Variants in NXPE2 observed in about 807,000 individuals in gnomAD.
The protein encoded by NXPE2 is NXPE family member 2.
In NXPE2, 34 loss-of-function variants were observed where a neutral mutation model predicts 34.4. The ratio of observed to expected loss-of-function variants is 0.99; its 90% CI spans 0.75 to 1.31. NXPE2 has a LOEUF of 1.31. NXPE2 is among the 40% of genes most tolerant of loss of function. NXPE2 has a pLI of 0.00. For synonymous variants in NXPE2, 235 were observed against 231.3 expected (o/e 1.02, Z -0.15); for missense variants, 649 against 672.5 (o/e 0.97, Z 0.39).
At chr11:114,736,690 A>G in the NXPE2 span, among the ~76,000 whole-genome samples, 1 of 151,872 alleles carries the variant, frequency 6.6e-6, no homozygotes, top group African/African-American at 2.4e-5. Flanking sequence ...TAAAGTAAAG[A>G]CAGGCATAGG....
the NXPE2 span, among the ~76,000 whole-genome samples, chr11:114,662,431 A>G: frequency 6.6e-6 from 1 of 152,188 alleles, no homozygotes; most frequent in Non-Finnish European, 1.5e-5. Flanking sequence ...CTAAAGTGCT[A>G]TAGGACTCTA....
At chr11:114,566,995 G>T in the NXPE2 span, among the ~76,000 whole-genome samples, 1 of 152,164 alleles carries the variant, frequency 6.6e-6, no homozygotes, top group Non-Finnish European at 1.5e-5. Flanking sequence ...TGAGCACTTT[G>T]CTAAGCTTTC....
At chr11:114,600,389 C>T in the NXPE2 span, among the ~76,000 whole-genome samples, 20 of 152,126 alleles carry the variant, frequency 1.3e-4, no homozygotes, top group Non-Finnish European at 2.4e-4. Flanking sequence ...CCATTTTCCT[C>T]ATTCCTTCAT....
chr11:114,546,082 A>T, the NXPE2 span, among the ~76,000 whole-genome samples: 1 of 152,230 alleles, frequency 6.6e-6, no homozygotes, highest in Non-Finnish European at 1.5e-5. Flanking sequence ...TTACAAATTT[A>T]ACTGTATTAC....
the NXPE2 span, among the ~76,000 whole-genome samples, chr11:114,596,105 A>G: frequency 2.0e-5 from 3 of 152,232 alleles, no homozygotes; most frequent in African/African-American, 7.2e-5. Flanking sequence ...GTTTCCATCT[A>G]GCGTTATCAT....
chr11:114,567,962 G>A, the NXPE2 span, among the ~76,000 whole-genome samples: 1 of 150,822 alleles, frequency 6.6e-6, no homozygotes, highest in Non-Finnish European at 1.5e-5. Context: ...TTGTACTTTC[G>A]ATATATATAT....
the NXPE2 span, among the ~76,000 whole-genome samples, chr11:114,467,914 T>TGA: frequency 6.6e-6 from 1 of 151,764 alleles, no homozygotes; most frequent in African/African-American, 2.4e-5. Flanking sequence ...CCAGCCTGGG[T>TGA]GAGAGAGAGA....
At chr11:114,809,674 C>T in the NXPE2 span, among the ~76,000 whole-genome samples, 1 of 147,066 alleles carries the variant, frequency 6.8e-6, no homozygotes, top group African/African-American at 2.5e-5. Context: ...CAAACCACTG[C>T]TCAAGGAAAT....
chr11:114,578,772 G>A, the NXPE2 span, among the ~76,000 whole-genome samples: 13 of 152,256 alleles, frequency 8.5e-5, no homozygotes, highest in East Asian at 2.5e-3. Context: ...AGCAAATTCT[G>A]AGCTATTACT....
chr11:114,630,292 C>T, the NXPE2 span, among the ~76,000 whole-genome samples: 1 of 151,752 alleles, frequency 6.6e-6, no homozygotes, highest in Non-Finnish European at 1.5e-5. Context: ...GCTACAGTAA[C>T]CAAAACAGCA....
chr11:114,542,520 G>A, the NXPE2 span, among the ~76,000 whole-genome samples: 4 of 152,196 alleles, frequency 2.6e-5, no homozygotes, highest in African/African-American at 9.6e-5. Flanking sequence ...TGCAATGGTT[G>A]TGTGCTCTGA....
chr11:114,710,348 A>C (rs1348034659), downstream of NXPE2, among the ~76,000 whole-genome samples: 3 of 152,198 alleles, frequency 2.0e-5, no homozygotes, highest in Admixed American at 2.0e-4. Context: ...TAACAAATTC[A>C]TAGCTAGACT....
the NXPE2 span, among the ~76,000 whole-genome samples, chr11:114,798,077 C>T: frequency 3.4e-4 from 52 of 152,152 alleles, 1 homozygote; most frequent in Non-Finnish European, 1.5e-5. Flanking sequence ...CTTGCTTCTG[C>T]TTATATTTCC....
At position 114,706,439 on chromosome 11, in the gene NXPE2, C is replaced by T. The variant is rs1228255917; in HGVS notation, c.1189C>T (p.His397Tyr). The change falls in exon 6 of 6, where the codon CAT becomes TAT. Residue 397 changes from histidine (H) to tyrosine (Y), a missense_variant. Transcript: ENST00000389586. The stretch of plus-strand genomic sequence containing the variant: ...TCATGGAGCTGGGATCTTTAAAACA[C>T]ATGTTCTTCTGGATGTTGAAAGACA... Reference protein sequence around the residue: ...DHHGAGIFKTHVLLDVERHIL... With the variant: ...DHHGAGIFKTYVLLDVERHIL... 2 of 1,550,942 alleles carry T rather than the reference C, an allele frequency of 1.3e-6. No homozygotes were observed. Among genetic ancestry groups the T allele is most frequent in the Non-Finnish European group, 1.7e-6 (2 of 1,146,572 alleles).
the NXPE2 span, chr11:114,582,526 C>T: frequency 6.2e-7 from 1 of 1,614,156 alleles, no homozygotes; most frequent in South Asian, 1.1e-5. Flanking sequence ...CTGTCATAGC[C>T]TTGGTTCCTT....
the NXPE2 span, among the ~76,000 whole-genome samples, chr11:114,758,221 A>G: frequency 6.6e-6 from 1 of 152,132 alleles, no homozygotes; most frequent in Non-Finnish European, 1.5e-5. Flanking sequence ...ACCCAGGAGT[A>G]TTGTTTCCTC....
At chr11:114,643,053 G>A in the NXPE2 span, among the ~76,000 whole-genome samples, 1 of 152,088 alleles carries the variant, frequency 6.6e-6, no homozygotes, top group African/African-American at 2.4e-5. Flanking sequence ...CTGCATAAAT[G>A]TCTTCTTTTG....
Position 114,706,511 on chromosome 11 carries a change from A to AC in NXPE2, c.1261_1262insC (p.Lys421ThrfsTer8). ...ACATGGTCATCCATTTGTTACCAAA[A>AC]AATTATTCTCAGTGAAAGATGAAAA... On this transcript the variant is annotated frameshift_variant, in exon 6 of 6. Transcript: ENST00000389586. LOFTEE classifies it low-confidence loss of function (END_TRUNC). 6.4e-7 allele frequency: 1 copy of AC among 1,551,886 alleles called. No homozygotes were observed. Among genetic ancestry groups the AC allele is most frequent in the Non-Finnish European group, 8.7e-7 (1 of 1,146,988 alleles).
intron 2 of NXPE2, among the ~76,000 whole-genome samples, chr11:114,688,847 C>A (rs1264242376): frequency 6.6e-6 from 1 of 151,876 alleles, no homozygotes; most frequent in Non-Finnish European, 1.5e-5. Flanking sequence ...CAGGAATGTA[C>A]CCATTTTCTC....
Sources: allele counts gnomAD v4.1 joint callset (sites outside exome capture counted in the v4.1 genomes callset), GRCh38; gene constraint gnomAD v4.1.1; transcripts MANE v1.5; gene names NCBI Gene and HGNC (gene_info 2026-07-23, HGNC 2026-07-21).